ABLIM2: variants seen among roughly 807,000 people sequenced by gnomAD.
ABLIM2 encodes the protein actin binding LIM protein family member 2, also known as actin-binding LIM protein 2.
ABLIM2 carries 53 observed loss-of-function variants against 97.7 expected under a neutral mutation model. The observed-to-expected ratio is 0.54, with a 90% confidence interval of 0.44 to 0.68. The LOEUF (loss-of-function observed/expected upper bound fraction) is 0.68. Among genes scored for constraint, ABLIM2 ranks in the 30% least tolerant of loss-of-function variants. The pLI is 0.00. For synonymous variants in ABLIM2, 361 were observed against 345.8 expected (o/e 1.04, Z -0.49); for missense variants, 835 against 867.2 (o/e 0.96, Z 0.47).
rs1356787385 is a variant in ABLIM2, at chr4:7,992,693, G to A, written c.1680+173C>T. Among the ~76,000 whole-genome samples, 4 of 152,134 alleles carry A rather than the reference G, an allele frequency of 2.6e-5. No individual in the cohort carries two copies. Among genetic ancestry groups the A allele is most frequent in the Non-Finnish European group, 4.4e-5 (3 of 68,016 alleles). ...CCAGGTCTGGTTCGGTCCTGCTAGG[G>A]AAAAAGCAGTGGTGGCAGTGGCAGC... On this transcript the variant is annotated intron_variant, in intron 17 of 20. Coordinates refer to ENST00000447017, the MANE Select transcript of ABLIM2 (RefSeq NM_001130083.2). The surrounding 1 kb of genome is among the most constrained non-coding windows in gnomAD (Gnocchi z 5.7).
intron 9 of ABLIM2, among the ~76,000 whole-genome samples, chr4:8,038,156 C>A (rs145481252): frequency 3.2e-4 from 49 of 152,238 alleles, no homozygotes; most frequent in African/African-American, 1.2e-3. Flanking sequence ...ATCATCTGCT[C>A]GCAAAACACA....
intron 6 of ABLIM2, among the ~76,000 whole-genome samples, chr4:8,064,166 T>C (rs1056107976): frequency 6.6e-6 from 1 of 152,260 alleles, no homozygotes; most frequent in Non-Finnish European, 1.5e-5. Flanking sequence ...CATGCTCTTC[T>C]GCAGAAATAA....
chr4:8,149,537 A>C lies in ABLIM2; in HGVS notation c.10+9143T>G. Among the ~76,000 whole-genome samples the C allele has an allele frequency of 6.6e-6, 1 of 151,896 alleles. No homozygotes were observed. The highest frequency in any genetic ancestry group is 2.1e-4 in the South Asian group (1 of 4,804). The stretch of plus-strand genomic sequence containing the variant: ...GGAAGCAGAGGGCCTAGAGATGGGA[A>C]GAAAGCTTCACAGAGGCCCTGGAGT... On this transcript the variant is annotated intron_variant, in intron 1 of 20. Coordinates refer to ENST00000447017, the MANE Select transcript of ABLIM2 (RefSeq NM_001130083.2). The surrounding 1 kb of genome is among the most constrained non-coding windows in gnomAD (Gnocchi z 6.4).
rs115592836 is a variant in ABLIM2 at position 8,073,369 on chromosome 4, C to T, written c.675+4259G>A. Among the ~76,000 whole-genome samples, 904 of 151,480 alleles carry T rather than the reference C, an allele frequency of 6.0e-3. 8 individuals are homozygous for T. Among genetic ancestry groups the T allele is most frequent in the African/African-American group, 0.02 (841 of 41,266 alleles). On this transcript the variant is annotated intron_variant, in intron 6 of 20. Coordinates refer to ENST00000447017, the MANE Select transcript of ABLIM2 (RefSeq NM_001130083.2). ...ACAAGGCCGCTGTGTGGGCAGGGAG[C>T]GCAGTCCAGGACAGTGTGGAAGGTC...
intron 9 of ABLIM2, among the ~76,000 whole-genome samples, chr4:8,037,339 G>GAC (rs1560837909): frequency 1.4e-4 from 15 of 109,866 alleles, no homozygotes; most frequent in African/African-American, 6.8e-4. Context: ...CACACATGCA[G>GAC]GCACACACAC....
rs1167615555 is a variant in ABLIM2 at position 7,980,941 on chromosome 4, A to ATTTTTTT, written c.1824+2316_1824+2322dup. ...AGAACCATGGTCTCCACAACCCCTT[A>ATTTTTTT]TTTTTTTTTTTTTTTTTTTTGAGAT... is the stretch of plus-strand genomic sequence containing the variant. On this transcript the variant is annotated intron_variant, in intron 20 of 20. Transcript: ENST00000447017. 2.3e-3 allele frequency among the ~76,000 whole-genome samples: 188 copies of ATTTTTTT among 82,972 alleles called. 32 individuals are homozygous for ATTTTTTT. Among genetic ancestry groups the ATTTTTTT allele is most frequent in the African/African-American group, 9.4e-3 (170 of 18,096 alleles). The allele number at this position is 82,972 out of a possible 152,430, so 54.4% of individuals were successfully genotyped here. A position where few individuals can be genotyped will look rare whatever the true frequency, so the allele number is the denominator to read the frequency against.
At position 8,003,351 on chromosome 4, in the gene ABLIM2, T is replaced by C. The variant is rs1296543065; in HGVS notation, c.1618+4708A>G. Among the ~76,000 whole-genome samples the C allele has an allele frequency of 6.6e-6, 1 of 152,170 alleles. No homozygotes were observed. Among genetic ancestry groups the C allele is most frequent in the Admixed American group, 6.5e-5 (1 of 15,278 alleles). ...GGGCTGGCCGTCTCATGTCATTCGCTGAATGCTGTACTGAGAGTGAGAAAC... is the reference window on the plus strand; with the variant it reads ...GGGCTGGCCGTCTCATGTCATTCGCCGAATGCTGTACTGAGAGTGAGAAAC... On this transcript the variant is annotated intron_variant, in intron 16 of 20. Transcript: ENST00000447017. The surrounding 1 kb of genome is among the most constrained non-coding windows in gnomAD (Gnocchi z 4.2).
intron 2 of ABLIM2, among the ~76,000 whole-genome samples, chr4:8,105,249 G>A (rs146638747): frequency 6.8e-4 from 103 of 151,224 alleles, no homozygotes; most frequent in African/African-American, 2.4e-3. Flanking sequence ...TGGAGTCTTC[G>A]AAATCCTTCC....
In ABLIM2 at chr4:8,075,014, G is replaced by T. The variant is rs1815063940; in HGVS notation, c.675+2614C>A. Among the ~76,000 whole-genome samples, 1 of 152,140 alleles carries T rather than the reference G, an allele frequency of 6.6e-6. No homozygotes were observed. Reference sequence around the variant, plus strand: ...TTGGCCAGGCTGGTCTTGAACTCCTGACCTCGTGATCCGCCTGCCTCAGCC... The same window carrying T: ...TTGGCCAGGCTGGTCTTGAACTCCTTACCTCGTGATCCGCCTGCCTCAGCC... On this transcript the variant is annotated intron_variant, in intron 6 of 20. Coordinates refer to ENST00000447017, the MANE Select transcript of ABLIM2 (RefSeq NM_001130083.2). The surrounding 1 kb of genome is among the most constrained non-coding windows in gnomAD (Gnocchi z 4.4).
chr4:7,975,700 G>A (rs1033387924), intron 20 of ABLIM2, among the ~76,000 whole-genome samples: 5 of 152,130 alleles, frequency 3.3e-5, no homozygotes, highest in South Asian at 2.1e-4. Flanking sequence ...TAAAAGTCAC[G>A]TGGCCAAACA....
chr4:8,056,919 G>T (rs184377034), intron 7 of ABLIM2, among the ~76,000 whole-genome samples: 2,856 of 103,086 alleles, frequency 0.028, 65 homozygotes, highest in Middle Eastern at 0.14. Context: ...GCGACAGAGC[G>T]AAACTCCGTC....
intron 1 of ABLIM2, among the ~76,000 whole-genome samples, chr4:8,137,869 C>T (rs1184170691): frequency 6.6e-6 from 1 of 152,238 alleles, no homozygotes; most frequent in Non-Finnish European, 1.5e-5. Flanking sequence ...TACACACCCA[C>T]GTTCACAGCA....
At chr4:8,073,606 G>A (rs924363748) in intron 6 of ABLIM2, among the ~76,000 whole-genome samples, 7 of 152,034 alleles carry the variant, frequency 4.6e-5, no homozygotes, top group African/African-American at 1.4e-4. Context: ...CAGGCAGGAC[G>A]TCGTCCCTGG....
intron 1 of ABLIM2, among the ~76,000 whole-genome samples, chr4:8,153,963 C>CTTTTTTTTTTT (rs55681745): frequency 1.5e-5 from 2 of 131,870 alleles, no homozygotes; most frequent in African/African-American, 2.8e-5. Context: ...AACTTCTTTT[C>CTTTTTTTTTTT]TTTTTTTTTT....
intron 10 of ABLIM2, among the ~76,000 whole-genome samples, chr4:8,034,076 G>A (rs1487548597): frequency 6.6e-6 from 1 of 152,232 alleles, no homozygotes; most frequent in Non-Finnish European, 1.5e-5. Flanking sequence ...GATGTGCTGA[G>A]AAAATAGCCA....
chr4:7,983,409 A>C, intron 19 of ABLIM2, 65 bp from the exon 20 acceptor site: 1 of 1,583,902 alleles, frequency 6.3e-7, no homozygotes, highest in Non-Finnish European at 8.6e-7. Flanking sequence ...CAAAGAACTG[A>C]GCAGAAGGTC....
intron 10 of ABLIM2, 51 bp from the exon 11 acceptor site, chr4:8,029,827 C>T: frequency 8.4e-6 from 13 of 1,539,340 alleles, no homozygotes; most frequent in Non-Finnish European, 1.1e-5. Flanking sequence ...GCACTTCCCA[C>T]CCCTTGTCCA....
In ABLIM2 at chr4:8,046,231, C is replaced by T. The variant is rs1393259148; in HGVS notation, c.823-990G>A. 6.6e-6 allele frequency among the ~76,000 whole-genome samples: 1 copy of T among 152,098 alleles called. No individual in the cohort carries two copies. Among genetic ancestry groups the T allele is most frequent in the African/African-American group, 2.4e-5 (1 of 41,406 alleles). ...GTTTTTGTGACTGTCCTGCCTCTCC[C>T]CCCACCTCAGCCCCCTCCAGCCCTG... On this transcript the variant is annotated intron_variant, in intron 8 of 20. Coordinates refer to ENST00000447017, the MANE Select transcript of ABLIM2 (RefSeq NM_001130083.2). The surrounding 1 kb of genome is among the most constrained non-coding windows in gnomAD (Gnocchi z 4.4).
intron 20 of ABLIM2, among the ~76,000 whole-genome samples, chr4:7,975,042 G>A (rs1291508410): frequency 1.3e-5 from 2 of 152,078 alleles, no homozygotes; most frequent in African/African-American, 4.8e-5. Flanking sequence ...AACATAGTAA[G>A]ACCCTGTCTC....
Sources: gnomAD v4.1 joint callset for allele counts (sites outside exome capture counted in the v4.1 genomes callset) on GRCh38, gnomAD v4.1.1 for gene constraint, Gnocchi (gnomAD v3.1) non-coding constraint, MANE v1.5 for transcripts, NCBI Gene and HGNC (gene_info 2026-07-23, HGNC 2026-07-21) for gene names.